The following ZBTB25 variants were observed in gnomAD, a reference collection of about 807,000 sequenced individuals.
ZBTB25 encodes zinc finger and BTB domain containing 25.
Under a neutral mutation model 34.2 loss-of-function variants are expected in ZBTB25, and 20 were observed. The observed-to-expected ratio is 0.58, with a 90% CI of 0.41 to 0.85. The LOEUF (loss-of-function observed/expected upper bound fraction) is 0.85. ZBTB25 is among the 40% of genes least tolerant of loss of function. ZBTB25 has a pLI of 0.00. For missense variants in ZBTB25, 437 were observed against 521.8 expected (o/e 0.84, Z 1.58); for synonymous variants, 175 against 186.4 (o/e 0.94, Z 0.50).
chr14:64,490,995 G>T (rs191287202), intron 1 of ZBTB25, among the ~76,000 whole-genome samples: 1 of 152,152 alleles, frequency 6.6e-6, no homozygotes, highest in African/African-American at 2.4e-5. Context: ...AACATAACAC[G>T]GTATCCTGGC....
intron 2 of ZBTB25, chr14:64,449,684 T>C (rs1566575893): frequency 6.4e-7 from 1 of 1,572,884 alleles, no homozygotes; most frequent in South Asian, 1.1e-5. Flanking sequence ...GAAGTTTCTG[T>C]GTGGCTACTT....
intron 1 of ZBTB25, among the ~76,000 whole-genome samples, chr14:64,494,804 G>C (rs994044665): frequency 3.3e-5 from 5 of 152,138 alleles, no homozygotes; most frequent in African/African-American, 1.2e-4. Flanking sequence ...GAGCACTGAA[G>C]TTTACAGAGA....
chr14:64,455,703 G>A (rs1467504496), intron 2 of ZBTB25, among the ~76,000 whole-genome samples: 35 of 152,218 alleles, frequency 2.3e-4, no homozygotes, highest in Admixed American at 2.3e-3. Context: ...TTTCAGTATA[G>A]TAAGAAAGTG....
chr14:64,480,433 C>T lies in ZBTB25; in HGVS notation c.*6490G>A, dbSNP rs756799147. On this transcript the variant is annotated 3_prime_UTR_variant, in exon 3 of 3. Coordinates refer to ENST00000608382, the MANE Select transcript of ZBTB25 (RefSeq NM_006977.5). The stretch of plus-strand genomic sequence containing the variant: ...GCAGTTGGAAAGCATTTGATTAGGA[C>T]GTCAATTTTCGATTAACACAGATTA... 1.1e-4 allele frequency: 40 copies of T among 354,184 alleles called. No homozygotes were observed. The highest frequency in any genetic ancestry group is 1.8e-4 in the African/African-American group (8 of 45,104). 21.9% of individuals were successfully genotyped at this position (354,184 alleles called of 1,614,324 possible).
intron 1 of ZBTB25, among the ~76,000 whole-genome samples, chr14:64,491,467 AAC>A (rs575656923): frequency 2.0e-5 from 3 of 151,526 alleles, no homozygotes; most frequent in Non-Finnish European, 2.9e-5. Context: ...CTGTCTCAAA[AAC>A]ACACACACAC....
At chr14:64,489,619 T>G (rs1054763609) in intron 2 of ZBTB25, among the ~76,000 whole-genome samples, 3 of 151,220 alleles carry the variant, frequency 2.0e-5, no homozygotes, top group African/African-American at 7.3e-5. Flanking sequence ...CACTGCAACC[T>G]TCACCTCATA....
At position 64,482,750 on chromosome 14, in the gene ZBTB25, C is replaced by T. The variant is rs993648185; in HGVS notation, c.*4173G>A. On this transcript the variant is annotated 3_prime_UTR_variant, in exon 3 of 3. Transcript: ENST00000608382. Reference sequence around the variant, plus strand: ...GATAGTACATTACTGCTTTTAAGAACATTTTAGAATTTATAGGCTGAAATA... The same window carrying T: ...GATAGTACATTACTGCTTTTAAGAATATTTTAGAATTTATAGGCTGAAATA... 6 of 152,178 alleles carry T rather than the reference C, an allele frequency of 3.9e-5. No homozygotes were observed. The highest frequency in any genetic ancestry group is 1.4e-4 in the African/African-American group (6 of 41,444). The allele number at this position is 152,178 out of a possible 1,614,324, so 9.4% of individuals were successfully genotyped here. A position where few individuals can be genotyped will look rare whatever the true frequency, so the allele number is the denominator to read the frequency against.
chr14:64,489,269 C>CA (rs910814321), intron 2 of ZBTB25, among the ~76,000 whole-genome samples: 15 of 144,630 alleles, frequency 1.0e-4, no homozygotes, highest in Admixed American at 1.0e-3. Context: ...GACTCCGTCT[C>CA]AAAAAAAATA....
chr14:64,453,712 T>C (rs771292919), intron 2 of ZBTB25: 2 of 1,186,446 alleles, frequency 1.7e-6, no homozygotes, highest in Non-Finnish European at 2.5e-6. Flanking sequence ...TGTCCTCACA[T>C]GTGTCCAGTC....
intron 2 of ZBTB25, chr14:64,470,925 CA>C (rs1566588448): frequency 6.0e-6 from 1 of 166,980 alleles, no homozygotes; most frequent in Non-Finnish European, 1.5e-5. Flanking sequence ...AGAGTAGATT[CA>C]AAGCCAGCCT....
Position 64,449,905 on chromosome 14 carries a change from C to T in ZBTB25, c.174-267G>A, listed in dbSNP as rs148641887. 7.5e-3 allele frequency among the ~76,000 whole-genome samples: 1,143 copies of T among 152,360 alleles called. 7 individuals are homozygous for T. The highest frequency in any genetic ancestry group is 0.027 in the African/African-American group (1,103 of 41,582). ...CTGGGTTCAAGTGATTCTCCTGCCT[C>T]AGCTTCCCAAGTAGCTGGGATTACA... is the stretch of plus-strand genomic sequence containing the variant. On this transcript the variant is annotated intron_variant, in intron 2 of 2. Transcript: ENST00000555220.
exon 3 of ZBTB25, chr14:64,449,256 A>G (rs936076347): frequency 1.5e-6 from 1 of 660,004 alleles, no homozygotes; most frequent in Non-Finnish European, 2.7e-6. Context: ...TGAGGCACAT[A>G]AAGATTAGGT....
chr14:64,498,157 C>T (rs12050238), intron 1 of ZBTB25, among the ~76,000 whole-genome samples: 2 of 151,978 alleles, frequency 1.3e-5, no homozygotes, highest in Non-Finnish European at 2.9e-5. Context: ...GAGAATGAAA[C>T]AATGTTTGTA....
intron 2 of ZBTB25, among the ~76,000 whole-genome samples, chr14:64,464,176 G>T (rs879681311): frequency 3.3e-5 from 5 of 151,186 alleles, no homozygotes; most frequent in Admixed American, 6.6e-5. Context: ...TGAGTAACTG[G>T]GACCATACGT....
In ZBTB25 at chr14:64,449,447, C is replaced by T. The variant is rs10813; in HGVS notation, c.*104G>A. On this transcript the variant is annotated 3_prime_UTR_variant, in exon 3 of 3. Transcript: ENST00000555220. ...GATATGAAATGCTTCCTTTATAGGA[C>T]GGATACAGAGTCTGAGCTGGACCTC... 10,217 of 1,613,056 alleles carry T rather than the reference C, an allele frequency of 6.3e-3. 362 individuals carry two copies. The African/African-American group carries it at 0.09, about 14-fold the overall frequency.
chr14:64,474,166 A>G (rs1339450126), downstream of ZBTB25: 1 of 167,110 alleles, frequency 6.0e-6, no homozygotes, highest in Non-Finnish European at 1.5e-5. Flanking sequence ...GGGAGTACAC[A>G]GAGAGAGCAA....
intron 2 of ZBTB25, among the ~76,000 whole-genome samples, chr14:64,455,526 A>G (rs1408051329): frequency 2.0e-5 from 3 of 152,216 alleles, no homozygotes; most frequent in African/African-American, 7.2e-5. Context: ...TTGGGCTGAC[A>G]TTGTTCCAAG....
chr14:64,474,233 C>T (rs1203195123), downstream of ZBTB25: 1 of 166,894 alleles, frequency 6.0e-6, no homozygotes, highest in Non-Finnish European at 1.5e-5. Flanking sequence ...GAAAGTGTTC[C>T]GTTTTTAAAT....
chr14:64,455,587 T>C (rs2078458541), intron 2 of ZBTB25, among the ~76,000 whole-genome samples: 2 of 152,234 alleles, frequency 1.3e-5, no homozygotes, highest in South Asian at 4.1e-4. Flanking sequence ...CCCTGTATCC[T>C]GTATCTACAG....
Sources: gnomAD v4.1 joint callset for allele counts (sites outside exome capture counted in the v4.1 genomes callset) on GRCh38, gnomAD v4.1.1 for gene constraint, MANE v1.5 for transcripts, NCBI Gene and HGNC (gene_info 2026-07-23, HGNC 2026-07-21) for gene names.